Variants in PLCB1 observed in about 807,000 individuals in gnomAD.
The protein encoded by PLCB1 is phospholipase C beta 1.
In PLCB1, 46 loss-of-function variants were observed where a neutral mutation model predicts 161.8. The ratio of observed to expected loss-of-function variants is 0.28; its 90% CI spans 0.22 to 0.36. The LOEUF (loss-of-function observed/expected upper bound fraction) is 0.36. Among genes scored for constraint, PLCB1 ranks in the 10% least tolerant of loss-of-function variants. The probability of loss-of-function intolerance (pLI) is 1.00; values close to 1 mark genes in which losing one functional copy is unlikely to be tolerated. For missense variants in PLCB1, 1,016 were observed against 1,472.5 expected, an observed-to-expected ratio of 0.69 and a Z score of 5.07; for synonymous variants, 517 against 503.7, an observed-to-expected ratio of 1.03 and a Z score of -0.35.
chr20:8,541,586 A>AAGAAAGAAAGAAAGAG (rs1568500350), intron 3 of PLCB1, among the ~76,000 whole-genome samples: 2 of 151,430 alleles, frequency 1.3e-5, no homozygotes, highest in African/African-American at 2.4e-5. Flanking sequence ...GAAAGAAAGA[A>AAGAAAGAAAGAAAGAG]AGAAAGAAAG....
At chr20:8,810,234 T>C (rs867725274) in intron 31 of PLCB1, among the ~76,000 whole-genome samples, 1 of 152,242 alleles carries the variant, frequency 6.6e-6, no homozygotes, top group South Asian at 2.1e-4. Flanking sequence ...ATGTCACACC[T>C]GTGAGGTTTA....
intron 2 of PLCB1, among the ~76,000 whole-genome samples, chr20:8,340,516 G>A (rs1985762525): frequency 2.0e-5 from 3 of 151,936 alleles, no homozygotes; most frequent in Admixed American, 2.0e-4. Context: ...TCCGCCTCCC[G>A]GGTTCACGCC....
chr20:8,780,621 A>G (rs1327702509), intron 27 of PLCB1, among the ~76,000 whole-genome samples: 1 of 152,182 alleles, frequency 6.6e-6, no homozygotes, highest in Non-Finnish European at 1.5e-5. Flanking sequence ...AACCAACGTT[A>G]GTACCATCAA....
chr20:8,739,312 G>C lies in PLCB1; in HGVS notation c.2260G>C (p.Gly754Arg). 6.2e-7 allele frequency: 1 copy of C among 1,614,114 alleles called. No individual in the cohort carries two copies. The highest frequency in any genetic ancestry group is 8.5e-7 in the Non-Finnish European group (1 of 1,179,954). ...GAGAATAGCAGTTTATGAAGAAGGA[G>C]GTAAATTCATTGGCCACCGTATCTT... is the stretch of plus-strand genomic sequence containing the variant. ...CLRIAVYEEG[G>R]KFIGHRILPV... The change falls in exon 21 of 32, where the codon GGT becomes CGT. Residue 754 changes from glycine (G) to arginine (R), a missense_variant. Coordinates refer to ENST00000338037, the MANE Select transcript of PLCB1 (RefSeq NM_015192.4).
chr20:8,194,041 G>A (rs527777949), intron 2 of PLCB1, among the ~76,000 whole-genome samples: 55 of 152,020 alleles, frequency 3.6e-4, no homozygotes, highest in South Asian at 8.3e-4. Flanking sequence ...CATGAGTCCC[G>A]GGTGATACTA....
rs1283260747 is a variant in PLCB1, at chr20:8,883,953, A to C, written c.*2104A>C. On this transcript the variant is annotated 3_prime_UTR_variant, in exon 32 of 32. Transcript: ENST00000338037. ...ACAGACTGTCTGAAATTGAAGAAGA[A>C]TGAACTAATAATAGCATTCATAACC... The C allele has an allele frequency of 6.6e-6, 1 of 152,574 alleles. No homozygotes were observed. The highest frequency in any genetic ancestry group is 6.5e-5 in the Admixed American group (1 of 15,276). The allele number at this position is 152,574 out of a possible 1,614,324, so 9.5% of individuals were successfully genotyped here.
rs142081205 is a variant in PLCB1, at chr20:8,562,956, A to T, written c.247-65338A>T. On this transcript the variant is annotated intron_variant, in intron 3 of 31. Coordinates refer to ENST00000338037, the MANE Select transcript of PLCB1 (RefSeq NM_015192.4). ...TTTTTTATGAAATACCTGTTTGCTG[A>T]CCATGGTGTAGGCCATTAATGTCAT... Among the ~76,000 whole-genome samples, 106 of 152,136 alleles carry T rather than the reference A, an allele frequency of 7.0e-4. 3 individuals carry two copies. The East Asian group carries it at 0.02, about 28-fold the overall frequency.
At chr20:8,292,879 G>A (rs945139363) in intron 2 of PLCB1, among the ~76,000 whole-genome samples, 2 of 152,156 alleles carry the variant, frequency 1.3e-5, no homozygotes, top group Non-Finnish European at 2.9e-5. Flanking sequence ...CTTGGACAAT[G>A]TCTGGGTTTT....
At chr20:8,196,465 A>G (rs543482074) in intron 2 of PLCB1, among the ~76,000 whole-genome samples, 3 of 151,914 alleles carry the variant, frequency 2.0e-5, no homozygotes, top group East Asian at 1.9e-4. Flanking sequence ...GTTTTTTTCT[A>G]CCTCTGTAGA....
intron 9 of PLCB1, among the ~76,000 whole-genome samples, chr20:8,662,759 G>A (rs758360489): frequency 6.6e-6 from 1 of 151,676 alleles, no homozygotes; most frequent in East Asian, 1.9e-4. Flanking sequence ...GGCCCACACC[G>A]AGTAGCAAAG....
At chr20:8,495,491 G>A (rs1169771999) in intron 3 of PLCB1, among the ~76,000 whole-genome samples, 1 of 142,828 alleles carries the variant, frequency 7.0e-6, no homozygotes, top group African/African-American at 2.6e-5. Flanking sequence ...TCCACCTCCC[G>A]GGTTCACGCC....
At chr20:8,742,401 T>C (rs1465093661) in intron 23 of PLCB1, among the ~76,000 whole-genome samples, 2 of 151,258 alleles carry the variant, frequency 1.3e-5, no homozygotes, top group African/African-American at 4.9e-5. Context: ...ATCCATTAAA[T>C]AGTCCATTTA....
At chr20:8,749,813 T>C (rs987249099) in intron 23 of PLCB1, among the ~76,000 whole-genome samples, 7 of 152,234 alleles carry the variant, frequency 4.6e-5, no homozygotes, top group Non-Finnish European at 1.0e-4. Context: ...TTTTCATTCA[T>C]TGATTTATTC....
intron 27 of PLCB1, among the ~76,000 whole-genome samples, chr20:8,785,996 C>G (rs1568598892): frequency 6.6e-6 from 1 of 151,990 alleles, no homozygotes; most frequent in Non-Finnish European, 1.5e-5. Context: ...CACAAAGCAT[C>G]CAAATCACCT....
At chr20:8,804,756 G>A (rs956240847) in intron 31 of PLCB1, among the ~76,000 whole-genome samples, 33 of 152,076 alleles carry the variant, frequency 2.2e-4, no homozygotes, top group Admixed American at 6.5e-4. Context: ...TTGGGAGGCC[G>A]AGGTGGATGG....
chr20:8,176,296 A>G (rs1416053329), intron 2 of PLCB1, among the ~76,000 whole-genome samples: 1 of 152,220 alleles, frequency 6.6e-6, no homozygotes, highest in Middle Eastern at 3.2e-3. Flanking sequence ...ATACTGTGAC[A>G]TATGCTACTC....
intron 19 of PLCB1, among the ~76,000 whole-genome samples, chr20:8,735,639 C>T (rs1420724947): frequency 6.6e-6 from 1 of 152,242 alleles, no homozygotes; most frequent in Non-Finnish European, 1.5e-5. Flanking sequence ...GTTTAGGACT[C>T]TGCTTTGGTC....
intron 31 of PLCB1, among the ~76,000 whole-genome samples, chr20:8,833,727 A>G (rs1056963871): frequency 6.6e-6 from 1 of 152,230 alleles, no homozygotes. Context: ...GAAAGAATAC[A>G]TTTCTATTGT....
intron 2 of PLCB1, among the ~76,000 whole-genome samples, chr20:8,283,893 A>G (rs2123289180): frequency 6.6e-6 from 1 of 152,166 alleles, no homozygotes; most frequent in East Asian, 1.9e-4. Context: ...TCTCTATATG[A>G]CCGTTATCTG....
Sources: allele counts gnomAD v4.1 joint callset (sites outside exome capture counted in the v4.1 genomes callset), GRCh38; gene constraint gnomAD v4.1.1; transcripts MANE v1.5; gene names NCBI Gene and HGNC (gene_info 2026-07-23, HGNC 2026-07-21).